The following GAD1 variants were observed in gnomAD, a reference collection of about 807,000 sequenced individuals.
The protein encoded by GAD1 is 67 kDa glutamic acid decarboxylase.
GAD1 carries 35 observed loss-of-function variants against 75.2 expected under a neutral mutation model. That is an observed-to-expected ratio of 0.47 (90% CI 0.36 to 0.62). GAD1 has a LOEUF of 0.62. GAD1 is among the 20% of genes least tolerant of loss of function. The pLI is 0.00. For synonymous variants in GAD1, 257 were observed against 271.9 expected, an observed-to-expected ratio of 0.95 and a Z score of 0.54; for missense variants, 490 against 758.5, an observed-to-expected ratio of 0.65 and a Z score of 4.16.
chr2:170,825,085 A>G (rs977678149), intron 3 of GAD1, among the ~76,000 whole-genome samples: 2 of 152,108 alleles, frequency 1.3e-5, no homozygotes, highest in African/African-American at 4.8e-5. Context: ...AGGTGCTGTT[A>G]GCCCAAGAAA....
intron 13 of GAD1, 101 bp downstream of exon 13, chr2:170,852,893 C>A: frequency 2.0e-6 from 2 of 1,003,794 alleles, no homozygotes; most frequent in Non-Finnish European, 3.1e-6. Context: ...GGCTGACTCA[C>A]GAGATTGGCA....
chr2:170,816,214 G>A (rs1281898463), upstream of GAD1: 1 of 152,462 alleles, frequency 6.6e-6, no homozygotes, highest in African/African-American at 2.4e-5. Flanking sequence ...AAAGGGACGC[G>A]GGGTCCTTTT....
chr2:170,835,219 A>T (rs11895404), intron 5 of GAD1, among the ~76,000 whole-genome samples: 1 of 151,956 alleles, frequency 6.6e-6, no homozygotes, highest in Non-Finnish European at 1.5e-5. Flanking sequence ...CTTTTAGTTA[A>T]TTAAACTCAT....
intron 5 of GAD1, among the ~76,000 whole-genome samples, chr2:170,834,248 T>C (rs1290175917): frequency 6.6e-6 from 1 of 152,210 alleles, no homozygotes; most frequent in Non-Finnish European, 1.5e-5. Context: ...TGGTTGCTGA[T>C]GTGGAATTTA....
At chr2:170,815,959 A>T (rs1391749295), upstream of GAD1, among the ~76,000 whole-genome samples, 1 of 152,214 alleles carries the variant, frequency 6.6e-6, no homozygotes, top group African/African-American at 2.4e-5. Context: ...GCTTCTCCCA[A>T]CGCAGCGGTT....
chr2:170,858,433 TATTC>T (rs1250028178), intron 15 of GAD1, among the ~76,000 whole-genome samples: 1 of 152,200 alleles, frequency 6.6e-6, no homozygotes, highest in Non-Finnish European at 1.5e-5. Context: ...CTCAATAAAA[TATTC>T]ATCAGCATCC....
At chr2:170,859,670 T>C (rs1702919742) in intron 16 of GAD1, 39 bp from the exon 17 acceptor site, 4 of 1,606,750 alleles carry the variant, frequency 2.5e-6, no homozygotes, top group Middle Eastern at 1.7e-4. Context: ...AGGGTGTTCA[T>C]ATCAATCTTG....
chr2:170,831,594 A>ATGTGTGTGTGTGTGTGTGTGTGTGTG (rs370649454), intron 5 of GAD1, among the ~76,000 whole-genome samples: 1 of 122,804 alleles, frequency 8.1e-6, no homozygotes, highest in Non-Finnish European at 1.7e-5. Context: ...GTCTCTACAT[A>ATGTGTGTGTGTGTGTGTGTGTGTGTG]TGTGTGTGTG....
At chr2:170,843,838 C>T (rs1702575044) in intron 6 of GAD1, 1 of 571,094 alleles carries the variant, frequency 1.8e-6, no homozygotes, top group Non-Finnish European at 3.1e-6. Context: ...GCTGGCACTT[C>T]CACCACCTCT....
At chr2:170,850,768 C>A (rs148190568) in intron 12 of GAD1, among the ~76,000 whole-genome samples, 19 of 152,180 alleles carry the variant, frequency 1.2e-4, no homozygotes, top group Non-Finnish European at 2.2e-4. Context: ...AATCCCAGCA[C>A]TTTGGTAGGC....
chr2:170,851,250 G>T (rs927623957), intron 12 of GAD1, among the ~76,000 whole-genome samples: 1 of 151,950 alleles, frequency 6.6e-6, no homozygotes, highest in South Asian at 2.1e-4. Context: ...AGACCTTTAG[G>T]ATATGCAGAA....
At position 170,822,091 on chromosome 2, in the gene GAD1, C is replaced by T. The variant is rs774772554; in HGVS notation, c.87C>T (p.Tyr29=). The change falls in exon 3 of 17, where the codon TAC becomes TAT. Residue 29 remains tyrosine (Y), a synonymous_variant. Transcript: ENST00000358196. ...PNTTNLRPTT[Y]DTWCGVAHGC... Reference sequence around the variant, plus strand: ...TCTCCCTCTCTCTCGTCCTAGCGTACGATACCTGGTGCGGCGTGGCCCATG... The same window carrying T: ...TCTCCCTCTCTCTCGTCCTAGCGTATGATACCTGGTGCGGCGTGGCCCATG... 4.3e-6 allele frequency: 7 copies of T among 1,609,682 alleles called. No individual in the cohort carries two copies. The highest frequency in any genetic ancestry group is 1.6e-4 in the Middle Eastern group (1 of 6,080).
intron 4 of GAD1, 112 bp from the exon 5 acceptor site, chr2:170,830,838 C>A: frequency 1.5e-6 from 2 of 1,368,912 alleles, no homozygotes; most frequent in Non-Finnish European, 2.0e-6. Flanking sequence ...CATACATATC[C>A]CAGAATGAAA....
In GAD1 at chr2:170,818,572, G is replaced by A. The variant is rs113194472; in HGVS notation, c.-20G>A. 200 of 1,612,366 alleles carry A rather than the reference G, an allele frequency of 1.2e-4. 2 individuals are homozygous for A. In the African/African-American group the frequency reaches 1.6e-3, roughly 13 times the overall value. On this transcript the variant is annotated 5_prime_UTR_variant, in exon 2 of 17. Coordinates refer to ENST00000358196, the MANE Select transcript of GAD1 (RefSeq NM_000817.3). The surrounding 1 kb of genome is among the most constrained non-coding windows in gnomAD (Gnocchi z 5.9). ...CAGTCGAGGACTCTGGACAGTAGAG[G>A]CCCCGGGACGACCGAGCTGATGGCG...
upstream of GAD1, among the ~76,000 whole-genome samples, chr2:170,814,691 G>T (rs1276295341): frequency 1.3e-5 from 2 of 152,088 alleles, no homozygotes; most frequent in East Asian, 1.9e-4. Context: ...AAACAAGGAC[G>T]GACAAAAGTC....
intron 5 of GAD1, 70 bp downstream of exon 5, chr2:170,831,262 G>C: frequency 6.5e-7 from 1 of 1,538,184 alleles, no homozygotes; most frequent in Non-Finnish European, 9.0e-7. Context: ...CAGTTGTGAG[G>C]ATATCAAACT....
rs1191475134 is a variant in GAD1, at chr2:170,832,662, GCGCACACACA to G, written c.547+1472_547+1481del. ...GACACAGGCACACATGCGCGCGCGCGCGCACACACACACACACACACACACACACACACAT... is the reference window on the plus strand; with the variant it reads ...GACACAGGCACACATGCGCGCGCGCGCACACACACACACACACACACACAT... On this transcript the variant is annotated intron_variant, in intron 5 of 16. Transcript: ENST00000358196. 4.9e-3 allele frequency among the ~76,000 whole-genome samples: 626 copies of G among 128,508 alleles called. 8 individuals carry two copies. Among genetic ancestry groups the G allele is most frequent in the African/African-American group, 0.016 (487 of 31,122 alleles). The allele number at this position is 128,508 out of a possible 152,430, so 84.3% of individuals were successfully genotyped here.
chr2:170,836,897 GTTTT>G lies in GAD1; in HGVS notation c.638+15_638+18del. The G allele has an allele frequency of 6.3e-7, 1 of 1,591,198 alleles. No homozygotes were observed. The highest frequency in any genetic ancestry group is 8.6e-7 in the Non-Finnish European group (1 of 1,159,412). ...CAATACCAACATGTAAGTCTCATAT[GTTTT>G]CATATAAGCAACCCTGATGTATGAC... is the stretch of plus-strand genomic sequence containing the variant. On this transcript the variant is annotated intron_variant, in intron 6 of 16. Transcript: ENST00000358196.
At position 170,845,799 on chromosome 2, in the gene GAD1, G is replaced by A. The variant is rs1176855065; in HGVS notation, c.947+14G>A. On this transcript the variant is annotated intron_variant, in intron 9 of 16. Transcript: ENST00000358196. ...GTGCAATGAAAGGTAGGCAGGGGAGGGTGAATATTAGGTTCTTGATGTATT... is the reference window on the plus strand; with the variant it reads ...GTGCAATGAAAGGTAGGCAGGGGAGAGTGAATATTAGGTTCTTGATGTATT... 4 of 1,612,014 alleles carry A rather than the reference G, an allele frequency of 2.5e-6. No homozygotes were observed.
Sources: allele counts gnomAD v4.1 joint callset (sites outside exome capture counted in the v4.1 genomes callset), GRCh38; gene constraint gnomAD v4.1.1; non-coding constraint Gnocchi (gnomAD v3.1); transcripts MANE v1.5; gene names NCBI Gene and HGNC (gene_info 2026-07-23, HGNC 2026-07-21).